SERPINA4: variants seen among roughly 807,000 people sequenced by gnomAD.
SERPINA4 encodes the protein kallistatin.
In SERPINA4, 24 loss-of-function variants were observed where a neutral mutation model predicts 25.4. The observed-to-expected ratio is 0.95, with a 90% confidence interval of 0.69 to 1.33. The LOEUF (loss-of-function observed/expected upper bound fraction) is 1.33. Ranked by LOEUF, SERPINA4 falls within the 40% of genes most tolerant of loss-of-function variation. The pLI is 0.00. For synonymous variants in SERPINA4, 242 were observed against 223.6 expected, an observed-to-expected ratio of 1.08 and a Z score of -0.73; for missense variants, 553 against 535.8, an observed-to-expected ratio of 1.03 and a Z score of -0.32.
In SERPINA4 at chr14:94,567,159, TC is replaced by T. The variant is rs1297741950; in HGVS notation, c.842del (p.Pro281LeufsTer6). 6.2e-7 allele frequency: 1 copy of T among 1,614,032 alleles called. No individual in the cohort carries two copies. The highest frequency in any genetic ancestry group is 1.3e-5 in the African/African-American group (1 of 74,898). ...GGAGACGCAACCGTGTTTTTCATTC[TC>T]CCTAACCAAGGCAAAATGAGGGAGA... is the stretch of plus-strand genomic sequence containing the variant. The part of the protein sequence containing the change: ...YKGDATVFFI[L>X]PNQGKMREIE... On this transcript the variant is annotated frameshift_variant, in exon 3 of 5. Coordinates refer to ENST00000557004, the MANE Select transcript of SERPINA4 (RefSeq NM_006215.4). LOFTEE classifies it high-confidence loss of function.
At chr14:94,561,915 C>T in intron 1 of SERPINA4, 1 of 1,272,418 alleles carries the variant, frequency 7.9e-7, no homozygotes, top group East Asian at 5.6e-5. Flanking sequence ...GAACAGAGAG[C>T]AGAAAGACTA....
At position 94,567,113 on chromosome 14, in the gene SERPINA4, G is replaced by C. The variant is rs1231414891; in HGVS notation, c.793G>C (p.Val265Leu). The C allele has an allele frequency of 6.2e-7, 1 of 1,614,070 alleles. No homozygotes were observed. Among genetic ancestry groups the C allele is most frequent in the African/African-American group, 1.3e-5 (1 of 74,920 alleles). Residue 265 changes from valine (V) to leucine (L), a missense_variant, in exon 3 of 5, where the codon GTG becomes CTG. Val to Leu is a conservative substitution (Grantham distance 32, BLOSUM62 1). Transcript: ENST00000557004. ...YLHDRYLPCS[V>L]LRMDYKGDAT... ...TCATGACAGATACTTGCCCTGCTCG[G>C]TGCTACGGATGGATTACAAAGGAGA...
rs1902132268 is a variant in SERPINA4 at position 94,564,229 on chromosome 14, A to G, written c.649+98A>G. 5.4e-6 allele frequency: 7 copies of G among 1,302,388 alleles called. No homozygotes were observed. In the South Asian group the frequency reaches 9.3e-5, roughly 17 times the overall value. 80.7% of individuals were successfully genotyped at this position (1,302,388 alleles called of 1,614,324 possible). A position where few individuals can be genotyped will look rare whatever the true frequency, so the allele number is the denominator to read the frequency against. On this transcript the variant is annotated intron_variant, in intron 2 of 4. Coordinates refer to ENST00000557004, the MANE Select transcript of SERPINA4 (RefSeq NM_006215.4). The stretch of plus-strand genomic sequence containing the variant: ...AATATATTTTTACAAAAATGTAAGT[A>G]AAAACGTTGTGTCTGATAGGGTTGA...
At chr14:94,561,902 G>C in intron 1 of SERPINA4, 1 of 1,283,434 alleles carries the variant, frequency 7.8e-7, no homozygotes, top group Non-Finnish European at 1.0e-6. Context: ...ACTGCTGAGT[G>C]GAGAACAGAG....
chr14:94,562,692 C>A (rs1595062380), intron 1 of SERPINA4, among the ~76,000 whole-genome samples: 1 of 152,232 alleles, frequency 6.6e-6, no homozygotes, highest in East Asian at 1.9e-4. Flanking sequence ...TGGATAGAAG[C>A]CTAGAAGCTT....
rs928899244 is a variant in SERPINA4, at chr14:94,569,551, A to G, written c.1240A>G (p.Ser414Gly). The part of the protein sequence containing the change: ...LVVIFSTSTQ[S>G]VLFLGKVVDP... ...GGTGATCTTTTCCACCAGCACCCAG[A>G]GTGTCCTCTTTCTGGGCAAGGTCGT... Residue 414 changes from serine (S) to glycine (G), a missense_variant, in exon 5 of 5, where the codon AGT becomes GGT. Physicochemically the swap from Ser to Gly is moderately conservative, Grantham distance 56. Transcript: ENST00000557004. The G allele has an allele frequency of 6.2e-7, 1 of 1,614,152 alleles. No homozygotes were observed. Among genetic ancestry groups the G allele is most frequent in the Non-Finnish European group, 8.5e-7 (1 of 1,180,022 alleles).
At chr14:94,561,717 T>C (rs1902031673) in intron 1 of SERPINA4, 1 of 1,289,706 alleles carries the variant, frequency 7.8e-7, no homozygotes. Flanking sequence ...TGGGTGACTA[T>C]GCCCGGAGAC....
intron 2 of SERPINA4, among the ~76,000 whole-genome samples, chr14:94,565,152 A>G (rs906537530): frequency 6.6e-6 from 1 of 152,236 alleles, no homozygotes; most frequent in Non-Finnish European, 1.5e-5. Flanking sequence ...AAAGTTGCCA[A>G]TGTAAGCGGA....
In SERPINA4 at chr14:94,563,530, C is replaced by G; in HGVS notation, c.48C>G (p.Ala16=). The G allele has an allele frequency of 6.2e-7, 1 of 1,614,078 alleles. No homozygotes were observed. Among genetic ancestry groups the G allele is most frequent in the Non-Finnish European group, 8.5e-7 (1 of 1,180,020 alleles). Residue 16 remains alanine (A), a synonymous_variant, in exon 2 of 5, where the codon GCC becomes GCG. Transcript: ENST00000557004. ...YLLLLLVGLL[A]LSHGQLHVEH... is the part of the protein sequence containing the mutation. ...TCCTCCTGCTGGTTGGACTACTGGC[C>G]CTTTCTCATGGCCAGCTGCACGTTG... is the stretch of plus-strand genomic sequence containing the variant.
chr14:94,568,216 C>A lies in SERPINA4; in HGVS notation c.1011C>A (p.Gly337=). 6.2e-7 allele frequency: 1 copy of A among 1,614,242 alleles called. No individual in the cohort carries two copies. Among genetic ancestry groups the A allele is most frequent in the Non-Finnish European group, 8.5e-7 (1 of 1,180,048 alleles). The change falls in exon 4 of 5, where the codon GGC becomes GGA. Residue 337 remains glycine (G), a synonymous_variant. Transcript: ENST00000557004. ...YVLDQILPRL[G]FTDLFSKWAD... ...TAGATCAGATTTTGCCCAGGCTGGG[C>A]TTCACGGATCTGTTCTCCAAGTGGG...
chr14:94,564,908 A>G (rs1463273896), intron 2 of SERPINA4, among the ~76,000 whole-genome samples: 1 of 152,244 alleles, frequency 6.6e-6, no homozygotes, highest in African/African-American at 2.4e-5. Flanking sequence ...GAGGCAACAA[A>G]TGTTAATGTT....
intron 3 of SERPINA4, 99 bp from the exon 4 acceptor site, chr14:94,568,030 G>GA: frequency 1.6e-6 from 2 of 1,234,678 alleles, no homozygotes; most frequent in African/African-American, 1.5e-5. Context: ...AACTCAGATG[G>GA]AATAGAGCCA....
At chr14:94,564,788 A>G (rs1902150183) in intron 2 of SERPINA4, among the ~76,000 whole-genome samples, 2 of 152,236 alleles carry the variant, frequency 1.3e-5, no homozygotes, top group African/African-American at 2.4e-5. Context: ...TATGTACTCA[A>G]TAAATAGCAA....
At chr14:94,564,593 G>T (rs1022098550) in intron 2 of SERPINA4, among the ~76,000 whole-genome samples, 2 of 152,210 alleles carry the variant, frequency 1.3e-5, no homozygotes, top group African/African-American at 4.8e-5. Context: ...AATGTGTTCA[G>T]CCACTGGTTT....
intron 1 of SERPINA4, 123 bp downstream of exon 1, chr14:94,561,617 C>T (rs1193299956): frequency 1.6e-6 from 2 of 1,264,748 alleles, no homozygotes; most frequent in Non-Finnish European, 2.1e-6. Flanking sequence ...CCAGGAAAGT[C>T]CCAGGCAAGC....
At position 94,563,684 on chromosome 14, in the gene SERPINA4, T is replaced by C; in HGVS notation, c.202T>C (p.Ser68Pro). ...FAFRFYYLIA[S>P]ETPGKNIFFS... ...CTTCCGCTTCTACTACCTGATCGCT[T>C]CGGAGACCCCGGGGAAGAACATCTT... Residue 68 changes from serine (S) to proline (P), a missense_variant, in exon 2 of 5, where the codon TCG (serine) becomes CCG (proline). By Grantham distance (74) the Ser-to-Pro change is moderately conservative. Coordinates refer to ENST00000557004, the MANE Select transcript of SERPINA4 (RefSeq NM_006215.4). The C allele has an allele frequency of 6.2e-7, 1 of 1,613,870 alleles. No individual in the cohort carries two copies. Among genetic ancestry groups the C allele is most frequent in the Non-Finnish European group, 8.5e-7 (1 of 1,180,018 alleles).
At chr14:94,565,630 G>T (rs1388838941) in intron 2 of SERPINA4, among the ~76,000 whole-genome samples, 1 of 148,920 alleles carries the variant, frequency 6.7e-6, no homozygotes, top group Non-Finnish European at 1.5e-5. Flanking sequence ...GGTGGATATT[G>T]AAATCAGAAG....
At chr14:94,563,318 G>A (rs1902083391) in intron 1 of SERPINA4, 148 bp from the exon 2 acceptor site, 1 of 736,872 alleles carries the variant, frequency 1.4e-6, no homozygotes, top group South Asian at 1.7e-5. Flanking sequence ...GTGGAAGGTG[G>A]TGGGTGTTAC....
In SERPINA4 at chr14:94,567,142, A is replaced by T. The variant is rs2139905939; in HGVS notation, c.822A>T (p.Ala274=). Residue 274 remains alanine (A), a synonymous_variant, in exon 3 of 5, where the codon GCA becomes GCT. Transcript: ENST00000557004. ...TACGGATGGATTACAAAGGAGACGC[A>T]ACCGTGTTTTTCATTCTCCCTAACC... The part of the protein sequence containing the change: ...SVLRMDYKGD[A]TVFFILPNQG... The T allele has an allele frequency of 6.2e-7, 1 of 1,614,164 alleles. No individual in the cohort carries two copies. Among genetic ancestry groups the T allele is most frequent in the Non-Finnish European group, 8.5e-7 (1 of 1,180,036 alleles).
Sources: allele counts gnomAD v4.1 joint callset (sites outside exome capture counted in the v4.1 genomes callset), GRCh38; gene constraint gnomAD v4.1.1; transcripts MANE v1.5; gene names NCBI Gene and HGNC (gene_info 2026-07-23, HGNC 2026-07-21).